TBCK: variants seen among roughly 807,000 people sequenced by gnomAD.
The protein encoded by TBCK is TBC1 domain containing kinase, also known as TBC domain-containing protein kinase-like protein.
Under a neutral mutation model 113.4 loss-of-function variants are expected in TBCK, and 99 were observed. The ratio of observed to expected loss-of-function variants is 0.87; its 90% CI spans 0.74 to 1.03. The LOEUF (loss-of-function observed/expected upper bound fraction) is 1.03. Among genes scored for constraint, TBCK ranks in the 50% least tolerant of loss-of-function variants. The probability of loss-of-function intolerance (pLI) is 0.00; values close to 1 mark genes in which losing one functional copy is unlikely to be tolerated. For missense variants in TBCK, 1,045 were observed against 1,061.3 expected (o/e 0.98, Z 0.21); for synonymous variants, 369 against 370.8 (o/e 1.00, Z 0.05).
chr4:106,088,543 C>T (rs1739784894), intron 25 of TBCK, among the ~76,000 whole-genome samples: 1 of 152,140 alleles, frequency 6.6e-6, no homozygotes, highest in Admixed American at 6.5e-5. Flanking sequence ...TATGGTGATT[C>T]CTCAAGGATC....
chr4:106,182,627 CAT>C (rs1752530320), intron 22 of TBCK: 1 of 152,226 alleles, frequency 6.6e-6, no homozygotes, highest in East Asian at 1.9e-4. Context: ...TTGAGATAAT[CAT>C]GTGGTTTTTG....
intron 23 of TBCK, among the ~76,000 whole-genome samples, chr4:106,145,565 G>T (rs1171449426): frequency 6.6e-6 from 1 of 152,044 alleles, no homozygotes; most frequent in Non-Finnish European, 1.5e-5. Flanking sequence ...TAATTTTTTT[G>T]ATTTCCCAGT....
Position 106,313,381 on chromosome 4 carries a change from G to GA in TBCK, c.-30+2549dup, listed in dbSNP as rs937670526. Among the ~76,000 whole-genome samples the GA allele has an allele frequency of 1.4e-4, 20 of 143,268 alleles. No homozygotes were observed. In the East Asian group the frequency reaches 1.4e-3, roughly 10 times the overall value. 94.0% of individuals were successfully genotyped at this position (143,268 alleles called of 152,430 possible). A position where few individuals can be genotyped will look rare whatever the true frequency, so the allele number is the denominator to read the frequency against. ...AGTGAGACTCCAGCTCAAAAAAAAG[G>GA]AAAAAAAAAAAGTTAGAAGACATGG... On this transcript the variant is annotated intron_variant, in intron 1 of 25. Transcript: ENST00000394708.
At chr4:106,172,268 T>C (rs916104915) in intron 22 of TBCK, among the ~76,000 whole-genome samples, 20 of 152,150 alleles carry the variant, frequency 1.3e-4, no homozygotes, top group African/African-American at 4.6e-4. Flanking sequence ...TTGTTTCTCA[T>C]GTTTGAAATG....
chr4:106,142,221 A>G (rs1486556622), intron 23 of TBCK, among the ~76,000 whole-genome samples: 1 of 152,176 alleles, frequency 6.6e-6, no homozygotes, highest in East Asian at 1.9e-4. Context: ...TCTATAATTC[A>G]GATAGATGTA....
chr4:106,095,756 G>GT, intron 24 of TBCK, 115 bp from the exon 25 acceptor site: 1 of 819,782 alleles, frequency 1.2e-6, no homozygotes, highest in Non-Finnish European at 1.8e-6. Flanking sequence ...TCCAGCTTAT[G>GT]TGAGTATTTT....
chr4:106,181,453 T>A lies in TBCK; in HGVS notation c.2060-10183A>T, dbSNP rs533578194. On this transcript the variant is annotated intron_variant, in intron 22 of 25. Transcript: ENST00000394708. ...CATGAAGTCTTTGCCCATGCCTATG[T>A]CCTGAATGGTATTGCCCAGGTTTTC... is the stretch of plus-strand genomic sequence containing the variant. Among the ~76,000 whole-genome samples, 4 of 152,308 alleles carry A rather than the reference T, an allele frequency of 2.6e-5. No homozygotes were observed. In the South Asian group the frequency reaches 6.2e-4, roughly 24 times the overall value.
chr4:106,315,964 C>T lies in TBCK; in HGVS notation c.-63G>A, dbSNP rs978377874. ...CTGGGGACGCAGGCAAGCACAAAGA[C>T]AAGGGGGATGGAGCTTCTACACAGG... On this transcript the variant is annotated 5_prime_UTR_variant, in exon 1 of 26. Transcript: ENST00000394708. 6.5e-6 allele frequency: 1 copy of T among 152,762 alleles called. No individual in the cohort carries two copies. The highest frequency in any genetic ancestry group is 2.4e-5 in the African/African-American group (1 of 41,424). The allele number at this position is 152,762 out of a possible 1,614,324, so 9.5% of individuals were successfully genotyped here.
rs572790117 is a variant in TBCK at position 106,123,245 on chromosome 4, C to G, written c.2236-6867G>C. The stretch of plus-strand genomic sequence containing the variant: ...TATACACCAACAACAAACAGAGAGC[C>G]AAATCATGAGTGAACTCCCATTCAC... On this transcript the variant is annotated intron_variant, in intron 23 of 25. Coordinates refer to ENST00000394708, the MANE Select transcript of TBCK (RefSeq NM_001163435.3). Among the ~76,000 whole-genome samples the G allele has an allele frequency of 2.6e-5, 4 of 152,226 alleles. No individual in the cohort carries two copies. The East Asian group carries it at 7.7e-4, about 29-fold the overall frequency.
intron 22 of TBCK, among the ~76,000 whole-genome samples, chr4:106,183,731 A>G (rs921291017): frequency 3.9e-5 from 6 of 152,104 alleles, no homozygotes; most frequent in African/African-American, 1.4e-4. Context: ...TCTTATTGCT[A>G]AACATTATTG....
At chr4:106,221,801 T>C (rs1757712667) in intron 19 of TBCK, among the ~76,000 whole-genome samples, 2 of 152,082 alleles carry the variant, frequency 1.3e-5, no homozygotes, top group Non-Finnish European at 2.9e-5. Flanking sequence ...AATAACAGAC[T>C]CCAGGACCGC....
At chr4:106,071,538 T>A (rs929309151) in intron 25 of TBCK, among the ~76,000 whole-genome samples, 2 of 152,230 alleles carry the variant, frequency 1.3e-5, no homozygotes, top group African/African-American at 4.8e-5. Context: ...AATTTTGGAA[T>A]AAAGGCAATG....
intron 19 of TBCK, among the ~76,000 whole-genome samples, chr4:106,217,169 C>T (rs12649730): frequency 1.2e-4 from 18 of 150,250 alleles, no homozygotes; most frequent in Admixed American, 2.0e-4. Flanking sequence ...ATTCAACAAC[C>T]CTTCATGCTA....
intron 20 of TBCK, among the ~76,000 whole-genome samples, chr4:106,211,607 A>C (rs1756141632): frequency 6.6e-6 from 1 of 152,148 alleles, no homozygotes; most frequent in Admixed American, 6.5e-5. Context: ...CATTGTGAGA[A>C]TAAACAGTTT....
At chr4:106,171,725 T>G (rs1751044233) in intron 22 of TBCK, among the ~76,000 whole-genome samples, 1 of 152,168 alleles carries the variant, frequency 6.6e-6, no homozygotes, top group African/African-American at 2.4e-5. Flanking sequence ...TGATTGCTGA[T>G]TCAGAATGAA....
intron 20 of TBCK, 139 bp downstream of exon 20, chr4:106,212,611 T>C (rs1276257223): frequency 5.1e-6 from 3 of 592,550 alleles, no homozygotes; most frequent in African/African-American, 1.9e-5. Flanking sequence ...AACTTACTAA[T>C]ACAAGGCTAC....
intron 25 of TBCK, among the ~76,000 whole-genome samples, chr4:106,089,476 A>T (rs1001693417): frequency 5.3e-5 from 8 of 152,174 alleles, no homozygotes; most frequent in African/African-American, 1.9e-4. Flanking sequence ...CTCCTCACAT[A>T]TCAGAATACA....
At chr4:106,245,847 T>A (rs532200948) in intron 10 of TBCK, among the ~76,000 whole-genome samples, 3 of 152,144 alleles carry the variant, frequency 2.0e-5, no homozygotes, top group Non-Finnish European at 4.4e-5. Context: ...AAATTTGTTT[T>A]TTCCCTATAA....
At chr4:106,313,687 A>C (rs563224516) in intron 1 of TBCK, among the ~76,000 whole-genome samples, 16 of 152,318 alleles carry the variant, frequency 1.1e-4, no homozygotes, top group African/African-American at 3.6e-4. Context: ...TGTTCAAATT[A>C]AACAGAAAGC....
Sources: allele counts gnomAD v4.1 joint callset (sites outside exome capture counted in the v4.1 genomes callset), GRCh38; gene constraint gnomAD v4.1.1; transcripts MANE v1.5; gene names NCBI Gene and HGNC (gene_info 2026-07-23, HGNC 2026-07-21).